Variants in PRICKLE2 observed in about 807,000 individuals in gnomAD.
PRICKLE2 encodes the protein prickle planar cell polarity protein 2.
Under a neutral mutation model 81.4 loss-of-function variants are expected in PRICKLE2, and 21 were observed. The ratio of observed to expected loss-of-function variants is 0.26; its 90% CI spans 0.18 to 0.37. PRICKLE2 has a LOEUF of 0.37. PRICKLE2 is among the 10% of genes least tolerant of loss of function. The probability of loss-of-function intolerance (pLI) is 1.00; values close to 1 mark genes in which losing one functional copy is unlikely to be tolerated. For missense variants in PRICKLE2, 940 were observed against 1,109.0 expected, an observed-to-expected ratio of 0.85 and a Z score of 2.16; for synonymous variants, 456 against 421.5, an observed-to-expected ratio of 1.08 and a Z score of -1.00.
chr3:64,099,664 T>C lies in PRICKLE2; in HGVS notation c.1922A>G (p.Gln641Arg). 1.2e-6 allele frequency: 2 copies of C among 1,614,150 alleles called. No individual in the cohort carries two copies. The highest frequency in any genetic ancestry group is 1.7e-6 in the Non-Finnish European group (2 of 1,180,016). The change falls in exon 8 of 8, where the codon CAG becomes CGG. Residue 641 changes from glutamine to arginine, a missense_variant. Physicochemically the swap from Gln to Arg is conservative, Grantham distance 43. Around this residue, in one of 2 missense-constraint regions of PRICKLE2, gnomAD observed 670 missense variants for 717.2 expected, o/e 0.93. Transcript: ENST00000638394. The surrounding 1 kb of genome is among the most constrained non-coding windows in gnomAD (Gnocchi z 4.3). ...RDLQSHGRMH[Q>R]SFDFDGGMAG... Reference sequence around the variant, plus strand: ...CATCCCTCCATCAAAATCAAAGCTCTGATGCATCCTTCCGTGGGACTGCAG... The same window carrying C: ...CATCCCTCCATCAAAATCAAAGCTCCGATGCATCCTTCCGTGGGACTGCAG...
intron 2 of PRICKLE2, among the ~76,000 whole-genome samples, chr3:64,257,068 A>G (rs116161270): frequency 0.012 from 1,879 of 152,344 alleles, 15 homozygotes; most frequent in Middle Eastern, 0.024. Context: ...AGTCACATAC[A>G]TGATATTCAA....
chr3:64,197,753 G>A (rs954862078), intron 2 of PRICKLE2, among the ~76,000 whole-genome samples: 2 of 152,002 alleles, frequency 1.3e-5, no homozygotes, highest in Non-Finnish European at 1.5e-5. Context: ...ATGGGTACTA[G>A]GCTTAATATC....
chr3:64,097,979 C>T lies in PRICKLE2; in HGVS notation c.*1072G>A, dbSNP rs1160819026. ...TCCTTCTGTCCCTCAATCCCAAATG[C>T]TTAAGTTCATTTGCTTTGAGGACAA... On this transcript the variant is annotated 3_prime_UTR_variant, in exon 8 of 8. Coordinates refer to ENST00000638394, the MANE Select transcript of PRICKLE2 (RefSeq NM_198859.4). The T allele has an allele frequency of 1.3e-5, 2 of 152,634 alleles. No homozygotes were observed. Among genetic ancestry groups the T allele is most frequent in the Non-Finnish European group, 2.9e-5 (2 of 68,042 alleles). 9.5% of individuals were successfully genotyped at this position (152,634 alleles called of 1,614,324 possible).
chr3:64,126,769 G>A (rs973188670), intron 7 of PRICKLE2, among the ~76,000 whole-genome samples: 4 of 152,032 alleles, frequency 2.6e-5, no homozygotes, highest in African/African-American at 4.8e-5. Context: ...GTGGAGACGG[G>A]GTTTCACCAC....
At chr3:64,162,588 C>A (rs145162736) in intron 3 of PRICKLE2, among the ~76,000 whole-genome samples, 1 of 152,162 alleles carries the variant, frequency 6.6e-6, no homozygotes, top group Non-Finnish European at 1.5e-5. Context: ...AAAACTTGCA[C>A]GCTCATTTAA....
At chr3:64,262,549 T>G (rs955770870) in intron 2 of PRICKLE2, among the ~76,000 whole-genome samples, 2 of 151,596 alleles carry the variant, frequency 1.3e-5, no homozygotes, top group Admixed American at 1.3e-4. Context: ...AGCCATGGGC[T>G]GGATGGCGTC....
chr3:64,101,670 C>G (rs975383378), intron 7 of PRICKLE2: 3 of 152,176 alleles, frequency 2.0e-5, no homozygotes, highest in Non-Finnish European at 2.9e-5. Flanking sequence ...AGAGAGGGCT[C>G]TATGTATAGT....
At chr3:64,100,025 T>C in intron 7 of PRICKLE2, 100 bp from the exon 8 acceptor site, 2 of 1,343,726 alleles carry the variant, frequency 1.5e-6, no homozygotes, top group Non-Finnish European at 1.1e-6. Context: ...TATATACCGT[T>C]GTGAAGTTGT....
chr3:64,237,103 A>G (rs149187686), intron 2 of PRICKLE2, among the ~76,000 whole-genome samples: 2 of 152,254 alleles, frequency 1.3e-5, no homozygotes, highest in Non-Finnish European at 2.9e-5. Flanking sequence ...CTTATGGGCA[A>G]TCGGCAGGAG....
intron 2 of PRICKLE2, among the ~76,000 whole-genome samples, chr3:64,196,864 T>C (rs180813225): frequency 1.7e-3 from 252 of 152,326 alleles, no homozygotes; most frequent in African/African-American, 5.8e-3. Flanking sequence ...CTCCAACCAA[T>C]TATATCCTTA....
At chr3:64,100,009 G>C in intron 7 of PRICKLE2, 84 bp from the exon 8 acceptor site, 1 of 1,456,256 alleles carries the variant, frequency 6.9e-7, no homozygotes, top group South Asian at 1.2e-5. Context: ...ATCTATCTAG[G>C]GTCATTATAT....
At chr3:64,185,531 T>C (rs1337278872) in intron 2 of PRICKLE2, among the ~76,000 whole-genome samples, 1 of 152,230 alleles carries the variant, frequency 6.6e-6, no homozygotes, top group Non-Finnish European at 1.5e-5. Context: ...GATTATGAAA[T>C]GAGCCAGTCT....
At chr3:64,142,313 CTTTTTTTT>C (rs397936636) in intron 7 of PRICKLE2, among the ~76,000 whole-genome samples, 1 of 132,770 alleles carries the variant, frequency 7.5e-6, no homozygotes, top group Non-Finnish European at 1.6e-5. Context: ...TTCTTTCTTT[CTTTTTTTT>C]TTTTTTTTTA....
At chr3:64,223,160 T>C (rs936145165) in intron 1 of PRICKLE2, among the ~76,000 whole-genome samples, 14 of 152,228 alleles carry the variant, frequency 9.2e-5, no homozygotes, top group African/African-American at 2.7e-4. Flanking sequence ...TACTGTTTTT[T>C]AGCAACAACA....
chr3:64,234,611 T>C (rs1342915263), intron 2 of PRICKLE2, among the ~76,000 whole-genome samples: 1 of 152,210 alleles, frequency 6.6e-6, no homozygotes, highest in African/African-American at 2.4e-5. Flanking sequence ...ATGTGGGGTA[T>C]ATCCTTTTTC....
chr3:64,107,322 A>C (rs1453083736), intron 7 of PRICKLE2, among the ~76,000 whole-genome samples: 1 of 152,186 alleles, frequency 6.6e-6, no homozygotes, highest in Non-Finnish European at 1.5e-5. Context: ...CGAGAAAATC[A>C]ATGTTCTTCA....
chr3:64,233,171 C>A (rs1450715639), intron 2 of PRICKLE2, among the ~76,000 whole-genome samples: 6 of 152,178 alleles, frequency 3.9e-5, no homozygotes, highest in Non-Finnish European at 8.8e-5. Context: ...AATATCTTTC[C>A]TCCACCATCA....
rs117698942 is a variant in PRICKLE2, at chr3:64,108,891, G to T, written c.1661-8966C>A. The stretch of plus-strand genomic sequence containing the variant: ...TGGTGGGCTGTCCTGTGCACTTCAG[G>T]ATGTTCAGCAGTATCTCTGGACTCT... On this transcript the variant is annotated intron_variant, in intron 7 of 7. Transcript: ENST00000638394. Among the ~76,000 whole-genome samples the T allele has an allele frequency of 6.8e-3, 1,040 of 152,174 alleles. 27 individuals are homozygous for T. Among genetic ancestry groups the T allele is most frequent in the Admixed American group, 0.042 (638 of 15,268 alleles).
At chr3:64,143,846 C>T (rs1183646046) in intron 7 of PRICKLE2, among the ~76,000 whole-genome samples, 1 of 152,176 alleles carries the variant, frequency 6.6e-6, no homozygotes, top group African/African-American at 2.4e-5. Context: ...GCACATAAAT[C>T]TTTCGAGAAT....
Sources: gnomAD v4.1 joint callset for allele counts (sites outside exome capture counted in the v4.1 genomes callset) on GRCh38, gnomAD v4.1.1 for gene constraint, gnomAD v4.1.1 regional missense constraint, Gnocchi (gnomAD v3.1) non-coding constraint, MANE v1.5 for transcripts, NCBI Gene and HGNC (gene_info 2026-07-23, HGNC 2026-07-21) for gene names.